The following NR5A2 variants were observed in gnomAD, a reference collection of about 807,000 sequenced individuals.
NR5A2 encodes CYP7A promoter-binding factor.
NR5A2 carries 26 observed loss-of-function variants against 62.7 expected under a neutral mutation model. The observed-to-expected ratio is 0.41, with a 90% CI of 0.30 to 0.58. The LOEUF (loss-of-function observed/expected upper bound fraction) is 0.58, where lower values mean the gene tolerates loss of function less well. NR5A2 is among the 20% of genes least tolerant of loss of function. NR5A2 has a pLI of 0.22. For missense variants in NR5A2, 541 were observed against 669.1 expected (o/e 0.81, Z 2.11); for synonymous variants, 246 against 241.7 (o/e 1.02, Z -0.16).
In NR5A2 at chr1:200,043,835, G is replaced by T. The variant is rs201645640; in HGVS notation, c.264G>T (p.Val88=). 1.2e-6 allele frequency: 2 copies of T among 1,613,854 alleles called. No individual in the cohort carries two copies. Among genetic ancestry groups the T allele is most frequent in the East Asian group, 4.5e-5 (2 of 44,872 alleles). ...YDEDLEELCP[V]CGDKVSGYHY... Reference sequence around the variant, plus strand: ...AAGATCTGGAAGAGCTTTGTCCCGTGTGTGGAGATAAAGTGTCTGGGTACC... The same window carrying T: ...AAGATCTGGAAGAGCTTTGTCCCGTTTGTGGAGATAAAGTGTCTGGGTACC... The change falls in exon 3 of 8, where the codon GTG becomes GTT. Residue 88 remains valine, a synonymous_variant. Transcript: ENST00000367362.
At chr1:200,153,732 G>A (rs908220864) in intron 7 of NR5A2, among the ~76,000 whole-genome samples, 33 of 152,080 alleles carry the variant, frequency 2.2e-4, no homozygotes, top group African/African-American at 7.5e-4. Flanking sequence ...AATAATGTAT[G>A]AGCAAGTACT....
intron 3 of NR5A2, among the ~76,000 whole-genome samples, 183 bp from the exon 4 acceptor site, chr1:200,045,260 T>C (rs951036909): frequency 6.6e-6 from 1 of 152,156 alleles, no homozygotes. Flanking sequence ...CAGAAAAATC[T>C]CCACCATGGC....
intron 5 of NR5A2, among the ~76,000 whole-genome samples, chr1:200,062,980 A>T (rs1663294608): frequency 6.6e-6 from 1 of 151,974 alleles, no homozygotes. Context: ...AGTTCAAGTA[A>T]CATCAGATAC....
At chr1:200,086,298 C>T (rs544302433) in intron 5 of NR5A2, among the ~76,000 whole-genome samples, 13 of 151,974 alleles carry the variant, frequency 8.6e-5, no homozygotes, top group Non-Finnish European at 1.3e-4. Context: ...GAATGAGTTC[C>T]GGAAACTTTT....
At chr1:200,165,068 G>C (rs569942390) in intron 7 of NR5A2, among the ~76,000 whole-genome samples, 11 of 147,904 alleles carry the variant, frequency 7.4e-5, no homozygotes, top group Non-Finnish European at 1.6e-4. Flanking sequence ...GTAGAGACAG[G>C]GTTTCACCAT....
chr1:200,132,713 G>C (rs1293411666), intron 7 of NR5A2, among the ~76,000 whole-genome samples: 1 of 152,198 alleles, frequency 6.6e-6, no homozygotes, highest in Non-Finnish European at 1.5e-5. Flanking sequence ...AATGCCATGT[G>C]CTCTTGGTTG....
At chr1:200,080,448 C>A (rs1413731381) in intron 5 of NR5A2, among the ~76,000 whole-genome samples, 5 of 152,004 alleles carry the variant, frequency 3.3e-5, no homozygotes, top group Non-Finnish European at 7.4e-5. Flanking sequence ...TATATAAAAT[C>A]TTTGATTTTA....
chr1:200,105,204 C>CCTAT (rs1384489274), intron 5 of NR5A2, among the ~76,000 whole-genome samples: 1 of 152,136 alleles, frequency 6.6e-6, no homozygotes, highest in Admixed American at 6.5e-5. Context: ...AAGTGATCCT[C>CCTAT]CTATCTCAGC....
intron 7 of NR5A2, among the ~76,000 whole-genome samples, chr1:200,136,318 G>A (rs7534638): frequency 6.6e-5 from 10 of 151,796 alleles, no homozygotes; most frequent in African/African-American, 2.2e-4. Flanking sequence ...TCCTGGGTTC[G>A]GGCGATTTGA....
chr1:200,057,698 CA>C (rs1309151957), intron 5 of NR5A2: 2 of 302,394 alleles, frequency 6.6e-6, no homozygotes, highest in Non-Finnish European at 6.7e-6. Flanking sequence ...AGGCTGGTCT[CA>C]AAACTCCTGA....
chr1:200,051,279 A>G (rs1255411830), intron 5 of NR5A2, among the ~76,000 whole-genome samples: 1 of 132,120 alleles, frequency 7.6e-6, no homozygotes, highest in African/African-American at 3.7e-5. Context: ...TATTATTTTC[A>G]TGTAAAAAAG....
intron 1 of NR5A2, chr1:200,029,769 G>GC (rs1287197795): frequency 2.0e-5 from 3 of 152,124 alleles, no homozygotes; most frequent in African/African-American, 4.8e-5. Flanking sequence ...GCAGCCACCC[G>GC]CCCCTTCCCA....
At chr1:200,041,559 C>CGCCG (rs1662083991) in intron 2 of NR5A2, among the ~76,000 whole-genome samples, 1 of 152,184 alleles carries the variant, frequency 6.6e-6, no homozygotes. Flanking sequence ...GCAGCGCGCC[C>CGCCG]AACTTTGAGG....
intron 1 of NR5A2, among the ~76,000 whole-genome samples, chr1:200,034,597 C>T (rs1558093818): frequency 1.9e-5 from 1 of 52,192 alleles, no homozygotes; most frequent in Non-Finnish European, 3.6e-5. Flanking sequence ...GGAGGTTGCC[C>T]GGGGGGGTGG....
intron 5 of NR5A2, among the ~76,000 whole-genome samples, chr1:200,077,388 T>C (rs1323393986): frequency 6.6e-6 from 1 of 152,212 alleles, no homozygotes; most frequent in East Asian, 1.9e-4. Flanking sequence ...TGTATTAGGT[T>C]AGTGCAAAAT....
intron 7 of NR5A2, among the ~76,000 whole-genome samples, chr1:200,151,163 GA>G (rs147330930): frequency 0.011 from 1,633 of 152,052 alleles, 33 homozygotes; most frequent in African/African-American, 0.037. Context: ...CTGGAAGGGG[GA>G]AAAAAAGCCT....
At chr1:200,122,898 G>T (rs1259250141) in intron 7 of NR5A2, among the ~76,000 whole-genome samples, 1 of 152,198 alleles carries the variant, frequency 6.6e-6, no homozygotes, top group Non-Finnish European at 1.5e-5. Flanking sequence ...TAATTTGTGA[G>T]TGGAAAAACT....
chr1:200,102,317 T>A lies in NR5A2; in HGVS notation c.1111-8885T>A, dbSNP rs192782177. On this transcript the variant is annotated intron_variant, in intron 5 of 7. Transcript: ENST00000367362. ...CCTGTTCCCAATGACTTGTCATGGT[T>A]GTGAATGCTCACTGTTGGACCCTAG... is the stretch of plus-strand genomic sequence containing the variant. Among the ~76,000 whole-genome samples the A allele has an allele frequency of 1.8e-3, 273 of 152,358 alleles. 1 individual carries two copies. The highest frequency in any genetic ancestry group is 6.2e-3 in the African/African-American group (259 of 41,580).
At chr1:200,047,839 A>C (rs1662440807) in intron 4 of NR5A2, among the ~76,000 whole-genome samples, 1 of 152,122 alleles carries the variant, frequency 6.6e-6, no homozygotes, top group Non-Finnish European at 1.5e-5. Context: ...TGGCCTCCCA[A>C]AGTGCAGGGA....
Sources: allele counts gnomAD v4.1 joint callset (sites outside exome capture counted in the v4.1 genomes callset), GRCh38; gene constraint gnomAD v4.1.1; transcripts MANE v1.5; gene names NCBI Gene and HGNC (gene_info 2026-07-23, HGNC 2026-07-21).